EFNA5: variants seen among roughly 807,000 people sequenced by gnomAD.
The protein encoded by EFNA5 is ephrin-A5.
A neutral mutation model predicts 22.9 loss-of-function variants in EFNA5; 5 were observed. That is an observed-to-expected ratio of 0.22 (90% CI 0.11 to 0.46). The LOEUF (loss-of-function observed/expected upper bound fraction) is 0.46. EFNA5 is among the 20% of genes least tolerant of loss of function. The pLI is 0.99. For missense variants in EFNA5, 237 were observed against 293.3 expected (o/e 0.81, Z 1.40); for synonymous variants, 113 against 112.2 (o/e 1.01, Z -0.04).
At chr5:107,505,714 A>C (rs1344895498) in intron 1 of EFNA5, among the ~76,000 whole-genome samples, 1 of 152,216 alleles carries the variant, frequency 6.6e-6, no homozygotes, top group African/African-American at 2.4e-5. Context: ...TCCTATGTAC[A>C]CAACACTGTG....
At chr5:107,577,947 T>G (rs1748961575) in intron 1 of EFNA5, among the ~76,000 whole-genome samples, 1 of 152,170 alleles carries the variant, frequency 6.6e-6, no homozygotes, top group African/African-American at 2.4e-5. Context: ...GCCTGACAGT[T>G]GGCATTTTTT....
intron 1 of EFNA5, among the ~76,000 whole-genome samples, chr5:107,500,427 A>G (rs138274525): frequency 2.0e-5 from 3 of 152,320 alleles, no homozygotes; most frequent in Non-Finnish European, 2.9e-5. Flanking sequence ...TTGCCAGGGT[A>G]AGCCTAGTCC....
intron 4 of EFNA5, among the ~76,000 whole-genome samples, chr5:107,386,180 T>G (rs1485468605): frequency 6.8e-6 from 1 of 147,220 alleles, no homozygotes; most frequent in Non-Finnish European, 1.5e-5. Flanking sequence ...AATTCTCCAT[T>G]TACATAAGGG....
chr5:107,606,778 C>G (rs920980073), intron 1 of EFNA5, among the ~76,000 whole-genome samples: 1 of 152,148 alleles, frequency 6.6e-6, no homozygotes, highest in Non-Finnish European at 1.5e-5. Flanking sequence ...ATCTTTTCCC[C>G]TCTCTCCGTG....
intron 1 of EFNA5, among the ~76,000 whole-genome samples, chr5:107,604,004 A>T (rs943252121): frequency 6.6e-6 from 1 of 152,184 alleles, no homozygotes; most frequent in Non-Finnish European, 1.5e-5. Context: ...AGGACAAGGT[A>T]ATTTTGTAAG....
rs80034262 is a variant in EFNA5 at position 107,415,328 on chromosome 5, C to T, written c.418+11889G>A. On this transcript the variant is annotated intron_variant, in intron 2 of 4. Transcript: ENST00000333274. ...CAGTTTACTCTTTAAGAATATACTA[C>T]TACTCCCTATTGCCTGTTACATATA... Among the ~76,000 whole-genome samples the T allele has an allele frequency of 9.0e-3, 1,378 of 152,282 alleles. 13 individuals carry two copies. The highest frequency in any genetic ancestry group is 0.014 in the Non-Finnish European group (986 of 68,034).
At chr5:107,619,467 CTT>C (rs1164694386) in intron 1 of EFNA5, among the ~76,000 whole-genome samples, 3 of 142,656 alleles carry the variant, frequency 2.1e-5, no homozygotes, top group Admixed American at 1.4e-4. Context: ...GCTGGACTTT[CTT>C]TTTTTTTTTT....
At chr5:107,417,913 G>C (rs904987870) in intron 2 of EFNA5, among the ~76,000 whole-genome samples, 2 of 152,150 alleles carry the variant, frequency 1.3e-5, no homozygotes, top group Non-Finnish European at 2.9e-5. Context: ...TAGATGAGTG[G>C]GAAAGTCTGT....
chr5:107,590,666 T>C (rs1221776808), intron 1 of EFNA5, among the ~76,000 whole-genome samples: 1 of 152,142 alleles, frequency 6.6e-6, no homozygotes, highest in Non-Finnish European at 1.5e-5. Flanking sequence ...GTGCTAGGAT[T>C]ACAGGAGTGA....
intron 1 of EFNA5, among the ~76,000 whole-genome samples, chr5:107,434,424 A>G (rs1749054751): frequency 6.6e-6 from 1 of 152,212 alleles, no homozygotes; most frequent in Non-Finnish European, 1.5e-5. Context: ...GAGCAGCACC[A>G]TAATCCTCCT....
At chr5:107,610,714 T>C (rs1248058494) in intron 1 of EFNA5, among the ~76,000 whole-genome samples, 3 of 152,226 alleles carry the variant, frequency 2.0e-5, no homozygotes, top group African/African-American at 7.2e-5. Context: ...ATAAATTCCA[T>C]GAATATTTGA....
chr5:107,559,468 C>T (rs571911316), intron 1 of EFNA5, among the ~76,000 whole-genome samples: 1 of 152,146 alleles, frequency 6.6e-6, no homozygotes, highest in Non-Finnish European at 1.5e-5. Context: ...ATGAATTGCT[C>T]TTGATGTTTG....
chr5:107,530,959 C>T (rs183981220), intron 1 of EFNA5, among the ~76,000 whole-genome samples: 2 of 152,248 alleles, frequency 1.3e-5, no homozygotes, highest in Non-Finnish European at 2.9e-5. Context: ...TATTTGTATA[C>T]TTTACTAGTA....
chr5:107,574,377 T>C (rs879429334), intron 1 of EFNA5, among the ~76,000 whole-genome samples: 4 of 151,760 alleles, frequency 2.6e-5, no homozygotes, highest in African/African-American at 4.8e-5. Flanking sequence ...AAAAAAATCA[T>C]TCAATAAGCT....
At chr5:107,509,977 A>G (rs1042770991) in intron 1 of EFNA5, among the ~76,000 whole-genome samples, 2 of 152,178 alleles carry the variant, frequency 1.3e-5, no homozygotes, top group Admixed American at 6.5e-5. Flanking sequence ...GAATCACAGC[A>G]ACTCCATCTT....
At chr5:107,640,776 C>T (rs1750482444) in intron 1 of EFNA5, among the ~76,000 whole-genome samples, 1 of 152,170 alleles carries the variant, frequency 6.6e-6, no homozygotes, top group Admixed American at 6.5e-5. Context: ...ACAGAGGTAA[C>T]CGCTATACAG....
At chr5:107,561,035 C>A (rs1448178953) in intron 1 of EFNA5, among the ~76,000 whole-genome samples, 1 of 152,142 alleles carries the variant, frequency 6.6e-6, no homozygotes, top group African/African-American at 2.4e-5. Context: ...CTATTAAGAA[C>A]AGGTACAGCA....
At chr5:107,625,373 C>T (rs913508889) in intron 1 of EFNA5, among the ~76,000 whole-genome samples, 6 of 151,818 alleles carry the variant, frequency 4.0e-5, no homozygotes, top group South Asian at 2.1e-4. Flanking sequence ...TCACCAATTT[C>T]TCCCAATATA....
intron 1 of EFNA5, among the ~76,000 whole-genome samples, chr5:107,556,070 T>C (rs1748405012): frequency 6.6e-6 from 1 of 152,216 alleles, no homozygotes; most frequent in South Asian, 2.1e-4. Flanking sequence ...TTATACTACT[T>C]ACCGTCTATT....
Sources: gnomAD v4.1 joint callset for allele counts (sites outside exome capture counted in the v4.1 genomes callset) on GRCh38, gnomAD v4.1.1 for gene constraint, MANE v1.5 for transcripts, NCBI Gene and HGNC (gene_info 2026-07-23, HGNC 2026-07-21) for gene names.